Variants in ZFP37 observed in about 807,000 individuals in gnomAD.
ZFP37 encodes the protein ZFP37 zinc finger protein.
Under a neutral mutation model 52.1 loss-of-function variants are expected in ZFP37, and 38 were observed. The observed-to-expected ratio is 0.73, with a 90% CI of 0.56 to 0.96. ZFP37 has a LOEUF of 0.96. Ranked by LOEUF, ZFP37 falls within the 40% of genes least tolerant of loss-of-function variation. The pLI is 0.00. For missense variants in ZFP37, 695 were observed against 741.4 expected, an observed-to-expected ratio of 0.94 and a Z score of 0.73; for synonymous variants, 253 against 259.5, an observed-to-expected ratio of 0.98 and a Z score of 0.24.
chr9:113,056,123 GCTCCCAGATGCTCCC>G (rs1472895218), intron 1 of ZFP37, among the ~76,000 whole-genome samples: 1 of 151,390 alleles, frequency 6.6e-6, no homozygotes, highest in African/African-American at 2.4e-5. Context: ...AATCTCTGAT[GCTCCCAGATGCTCCC>G]AATCACTGAA....
chr9:113,050,056 T>G, intron 1 of ZFP37, 184 bp from the exon 2 acceptor site: 1 of 1,007,710 alleles, frequency 9.9e-7, no homozygotes, highest in Non-Finnish European at 1.4e-6. Context: ...TACTCAATTT[T>G]TCATTATTTT....
intron 3 of ZFP37, among the ~76,000 whole-genome samples, chr9:113,045,522 C>A (rs945973520): frequency 2.8e-4 from 42 of 152,172 alleles, no homozygotes; most frequent in Admixed American, 2.7e-3. Context: ...TTATTCCCAG[C>A]TCTAAGTGGT....
Position 113,043,596 on chromosome 9 carries a change from C to G in ZFP37, c.1022G>C (p.Arg341Thr). 1 of 1,614,026 alleles carries G rather than the reference C, an allele frequency of 6.2e-7. No homozygotes were observed. The highest frequency in any genetic ancestry group is 8.5e-7 in the Non-Finnish European group (1 of 1,179,954). The change falls in exon 4 of 4, where the codon AGA becomes ACA. Residue 341 changes from arginine (R) to threonine (T), a missense_variant. By Grantham distance (71) the Arg-to-Thr change is moderately conservative. This residue lies in a region of ZFP37 where 326 missense variants were observed against 400.5 expected (regional missense o/e 0.81). Coordinates refer to ENST00000374227, the MANE Select transcript of ZFP37 (RefSeq NM_003408.3). The part of the protein sequence containing the change: ...SQKSHLVVHQ[R>T]THTGEKPYEC... ...ATATGGTTTTTCTCCGGTGTGAGTTCTCTGATGTACAACAAGGTGTGACTT... is the reference window on the plus strand; with the variant it reads ...ATATGGTTTTTCTCCGGTGTGAGTTGTCTGATGTACAACAAGGTGTGACTT...
Position 113,043,284 on chromosome 9 carries a change from C to T in ZFP37, c.1334G>A (p.Ser445Asn), listed in dbSNP as rs762052831. ...TCTCATGTGTTTAGTAAGGGATGAG[C>T]TATACTTAAAGGCTTTTCCACATTC... ...CNECGKAFKY[S>N]SSLTKHMRIH... is the part of the protein sequence containing the mutation. Residue 445 changes from serine (S) to asparagine (N), a missense_variant, in exon 4 of 4, where the codon AGC becomes AAC. Physicochemically the swap from Ser to Asn is conservative, Grantham distance 46 (BLOSUM62 1). Coordinates refer to ENST00000374227, the MANE Select transcript of ZFP37 (RefSeq NM_003408.3). 6.2e-7 allele frequency: 1 copy of T among 1,613,888 alleles called. No individual in the cohort carries two copies. Among genetic ancestry groups the T allele is most frequent in the Non-Finnish European group, 8.5e-7 (1 of 1,179,948 alleles).
chr9:113,049,785 T>C lies in ZFP37; in HGVS notation c.214+6A>G. ...ACATTTTGAATTACAAAGGAATTGT[T>C]CTTACCCATTGAGGCTTGGTTGCAG... On this transcript the variant is annotated splice_donor_region_variant and intron_variant, in intron 2 of 3. Coordinates refer to ENST00000374227, the MANE Select transcript of ZFP37 (RefSeq NM_003408.3). The C allele has an allele frequency of 6.2e-7, 1 of 1,613,482 alleles. No homozygotes were observed. Among genetic ancestry groups the C allele is most frequent in the Non-Finnish European group, 8.5e-7 (1 of 1,179,720 alleles).
chr9:113,055,959 A>G (rs989754601), intron 1 of ZFP37, among the ~76,000 whole-genome samples: 1 of 152,116 alleles, frequency 6.6e-6, no homozygotes, highest in Non-Finnish European at 1.5e-5. Context: ...CAAATCATCT[A>G]CCATCCCCAG....
chr9:113,046,972 G>C (rs1828968738), intron 3 of ZFP37, among the ~76,000 whole-genome samples: 1 of 152,108 alleles, frequency 6.6e-6, no homozygotes, highest in South Asian at 2.1e-4. Context: ...AGCTGGGCGT[G>C]GTGGTGGGCA....
chr9:113,051,569 C>A (rs1188614299), intron 1 of ZFP37, among the ~76,000 whole-genome samples: 1 of 152,122 alleles, frequency 6.6e-6, no homozygotes, highest in Non-Finnish European at 1.5e-5. Context: ...TCTCCCACCA[C>A]AGCCTCCCAA....
intron 3 of ZFP37, among the ~76,000 whole-genome samples, chr9:113,046,538 T>C (rs1049973869): frequency 6.6e-6 from 1 of 152,032 alleles, no homozygotes; most frequent in Non-Finnish European, 1.5e-5. Context: ...TCCCAACTGA[T>C]ATCTGCCGGC....
At chr9:113,054,481 T>C (rs1829108004) in intron 1 of ZFP37, among the ~76,000 whole-genome samples, 1 of 152,276 alleles carries the variant, frequency 6.6e-6, no homozygotes, top group South Asian at 2.1e-4. Context: ...AATGGTTCCC[T>C]AGCTCACCCC....
At chr9:113,047,177 G>A (rs1828972875) in intron 3 of ZFP37, among the ~76,000 whole-genome samples, 1 of 151,720 alleles carries the variant, frequency 6.6e-6, no homozygotes, top group African/African-American at 2.4e-5. Context: ...GATGTATTAA[G>A]TGACTCAGGA....
In ZFP37 at chr9:113,043,922, T is replaced by A. The variant is rs1410644683; in HGVS notation, c.696A>T (p.Lys232Asn). The A allele has an allele frequency of 6.2e-7, 1 of 1,613,950 alleles. No individual in the cohort carries two copies. Among genetic ancestry groups the A allele is most frequent in the African/African-American group, 1.3e-5 (1 of 74,920 alleles). Reference protein sequence around the residue: ...GKKQTGKKHEKLSSHSSSDKC... With the variant: ...GKKQTGKKHENLSSHSSSDKC... ...TATCAGATGAGCTATGGCTGGATAA[T>A]TTCTCATGTTTCTTTCCAGTTTGCT... The change falls in exon 4 of 4, where the codon AAA (lysine) becomes AAT (asparagine). Residue 232 changes from lysine (K) to asparagine (N), a missense_variant. Physicochemically the swap from Lys to Asn is moderately conservative, Grantham distance 94. This residue lies in a region of ZFP37 where 369 missense variants were observed against 340.9 expected (regional missense o/e 1.08). Coordinates refer to ENST00000374227, the MANE Select transcript of ZFP37 (RefSeq NM_003408.3).
At position 113,056,563 on chromosome 9, in the gene ZFP37, G is replaced by C. The variant is rs753693806; in HGVS notation, c.126C>G (p.Ser42Arg). ...GTCTCATCACAGCTCTCACCGCGGC[G>C]CTGGCCTCGGGCTCGGACACAGCCA... ...LEMAVSEPEA[S>R]AAEWKQLDPA... is the part of the protein sequence containing the mutation. Residue 42 changes from serine (S) to arginine (R), a missense_variant, in exon 1 of 4, where the codon AGC (serine) becomes AGG (arginine). Physicochemically the swap from Ser to Arg is moderately radical, Grantham distance 110. Around this residue, in one of 2 missense-constraint regions of ZFP37, gnomAD observed 369 missense variants for 340.9 expected, o/e 1.08. Transcript: ENST00000374227. 6.2e-7 allele frequency: 1 copy of C among 1,613,382 alleles called. No homozygotes were observed. The highest frequency in any genetic ancestry group is 8.5e-7 in the Non-Finnish European group (1 of 1,179,886).
At position 113,041,997 on chromosome 9, in the gene ZFP37, G is replaced by A. The variant is rs1828854913; in HGVS notation, c.*728C>T. The A allele has an allele frequency of 6.6e-6, 1 of 151,994 alleles. No homozygotes were observed. The highest frequency in any genetic ancestry group is 1.5e-5 in the Non-Finnish European group (1 of 67,996). 9.4% of individuals were successfully genotyped at this position (151,994 alleles called of 1,614,324 possible). The stretch of plus-strand genomic sequence containing the variant: ...AAAGTCTATTCACATACAGATACAT[G>A]TATATATGCATACAAAGATACATAC... On this transcript the variant is annotated 3_prime_UTR_variant, in exon 4 of 4. Transcript: ENST00000374227.
rs778596440 is a variant in ZFP37 at position 113,042,886 on chromosome 9, A to G, written c.1732T>C (p.Cys578Arg). ...GATTTTGCATTAAAGGCTTTTTCAC[A>G]TTCGTTACATTCATAAGGTTTCTCC... is the stretch of plus-strand genomic sequence containing the variant. ...TGEKPYECNE[C>R]EKAFNAKSQL... is the part of the protein sequence containing the mutation. Residue 578 changes from cysteine (C) to arginine (R), a missense_variant, in exon 4 of 4, where the codon TGT becomes CGT. Transcript: ENST00000374227. 6.2e-7 allele frequency: 1 copy of G among 1,613,794 alleles called. No homozygotes were observed. Among genetic ancestry groups the G allele is most frequent in the African/African-American group, 1.3e-5 (1 of 74,916 alleles).
chr9:113,055,587 T>C (rs1023663761), intron 1 of ZFP37, among the ~76,000 whole-genome samples: 1 of 152,192 alleles, frequency 6.6e-6, no homozygotes, highest in Non-Finnish European at 1.5e-5. Flanking sequence ...TCTTACAGAC[T>C]GTTCCTACTG....
In ZFP37 at chr9:113,039,465, AC is replaced by A. The variant is rs1389149557; in HGVS notation, c.*3259del. On this transcript the variant is annotated 3_prime_UTR_variant, in exon 4 of 4. Transcript: ENST00000374227. ...ATATATATACATGGTTTGCTCTTTT[AC>A]CCTCTCTGGGTCTTTGCTTTTGTCA... 6.6e-6 allele frequency: 1 copy of A among 151,966 alleles called. No individual in the cohort carries two copies. The highest frequency in any genetic ancestry group is 1.9e-4 in the East Asian group (1 of 5,184). 9.4% of individuals were successfully genotyped at this position (151,966 alleles called of 1,614,324 possible).
At chr9:113,044,363 T>C in intron 3 of ZFP37, 95 bp from the exon 4 acceptor site, 1 of 1,173,152 alleles carries the variant, frequency 8.5e-7, no homozygotes, top group Non-Finnish European at 1.2e-6. Context: ...TAGGGTTAAA[T>C]TTTTATTCAA....
chr9:113,056,467 A>C, intron 1 of ZFP37, 90 bp downstream of exon 1: 1 of 1,551,074 alleles, frequency 6.4e-7, no homozygotes, highest in Non-Finnish European at 8.7e-7. Flanking sequence ...CAATTCCCAA[A>C]TCACCTATCG....
Sources: gnomAD v4.1 joint callset for allele counts (sites outside exome capture counted in the v4.1 genomes callset) on GRCh38, gnomAD v4.1.1 for gene constraint, gnomAD v4.1.1 regional missense constraint, MANE v1.5 for transcripts, NCBI Gene and HGNC (gene_info 2026-07-23, HGNC 2026-07-21) for gene names.